SCAPER: variants seen among roughly 807,000 people sequenced by gnomAD.
The protein encoded by SCAPER is S phase cyclin A-associated protein in the endoplasmic reticulum.
SCAPER carries 98 observed loss-of-function variants against 182.2 expected under a neutral mutation model. The observed-to-expected ratio is 0.54, with a 90% confidence interval of 0.46 to 0.64. The LOEUF is 0.64. SCAPER is among the 30% of genes least tolerant of loss of function. The pLI, the probability that SCAPER is intolerant of heterozygous loss-of-function variation, is 0.00. For missense variants in SCAPER, 1,432 were observed against 1,690.0 expected (o/e 0.85, Z 2.68); for synonymous variants, 605 against 564.6 (o/e 1.07, Z -1.01).
intron 22 of SCAPER, among the ~76,000 whole-genome samples, chr15:76,586,080 A>T (rs1180437710): frequency 6.6e-6 from 1 of 152,232 alleles, no homozygotes; most frequent in Non-Finnish European, 1.5e-5. Flanking sequence ...AAACTGGAAC[A>T]AATTTCAGCA....
chr15:76,440,169 T>G (rs944926465), intron 25 of SCAPER, among the ~76,000 whole-genome samples: 1 of 152,220 alleles, frequency 6.6e-6, no homozygotes, highest in Admixed American at 6.5e-5. Context: ...GAAAAAGACT[T>G]CCTTGAGGAT....
chr15:76,749,180 C>CTCAGAAA (rs1425081119), intron 15 of SCAPER, among the ~76,000 whole-genome samples: 1 of 151,828 alleles, frequency 6.6e-6, no homozygotes, highest in Non-Finnish European at 1.5e-5. Context: ...TAAGGTTTAT[C>CTCAGAAA]TCAGAAATGC....
chr15:76,688,843 CTTTTTTTT>C (rs71143353), intron 20 of SCAPER, among the ~76,000 whole-genome samples: 1 of 92,394 alleles, frequency 1.1e-5, no homozygotes, highest in African/African-American at 3.9e-5. Flanking sequence ...AAATGCCTCT[CTTTTTTTT>C]TTTTTTTTTT....
At chr15:76,521,586 C>T (rs1175240532) in intron 23 of SCAPER, among the ~76,000 whole-genome samples, 1 of 152,034 alleles carries the variant, frequency 6.6e-6, no homozygotes. Context: ...AATTAAGTAT[C>T]ACAATAATAC....
At chr15:76,516,184 C>CT (rs750442048) in intron 23 of SCAPER, among the ~76,000 whole-genome samples, 1,850 of 143,046 alleles carry the variant, frequency 0.013, 30 homozygotes, top group African/African-American at 0.029. Flanking sequence ...TTCTTTCTTT[C>CT]TTTTTTTTTT....
chr15:76,416,837 T>C (rs2045683092), intron 26 of SCAPER, among the ~76,000 whole-genome samples: 1 of 152,222 alleles, frequency 6.6e-6, no homozygotes, highest in African/African-American at 2.4e-5. Context: ...CATTCCTAAG[T>C]AGTGAAATAC....
intron 24 of SCAPER, among the ~76,000 whole-genome samples, chr15:76,477,662 C>A (rs1211605738): frequency 2.6e-5 from 4 of 152,110 alleles, no homozygotes; most frequent in Non-Finnish European, 5.9e-5. Flanking sequence ...ATTAAATAAT[C>A]TCATTAAAGC....
chr15:76,452,631 C>T (rs1028345134), intron 25 of SCAPER, among the ~76,000 whole-genome samples: 2 of 152,114 alleles, frequency 1.3e-5, no homozygotes, highest in African/African-American at 2.4e-5. Flanking sequence ...AGTTGAACGC[C>T]GTATTTCAGC....
chr15:76,857,039 C>T (rs1248594503), intron 4 of SCAPER, among the ~76,000 whole-genome samples: 1 of 152,020 alleles, frequency 6.6e-6, no homozygotes, highest in Non-Finnish European at 1.5e-5. Context: ...CTTTACCATC[C>T]TACAACCTAA....
chr15:76,541,068 C>T (rs750323198), intron 23 of SCAPER, among the ~76,000 whole-genome samples: 5 of 151,320 alleles, frequency 3.3e-5, no homozygotes, highest in Non-Finnish European at 7.4e-5. Context: ...TGCAGTGAGC[C>T]GAGATCATGC....
chr15:76,625,169 A>G (rs1233127243), intron 21 of SCAPER, among the ~76,000 whole-genome samples: 1 of 152,128 alleles, frequency 6.6e-6, no homozygotes, highest in East Asian at 1.9e-4. Flanking sequence ...TGGATCTGTC[A>G]TCAGGCACTC....
intron 25 of SCAPER, among the ~76,000 whole-genome samples, chr15:76,467,494 G>A (rs961254036): frequency 2.0e-5 from 3 of 150,792 alleles, no homozygotes; most frequent in African/African-American, 2.4e-5. Context: ...AGACTGCAGT[G>A]CAGTGGCACA....
At chr15:76,635,007 G>A (rs1275656827) in intron 21 of SCAPER, among the ~76,000 whole-genome samples, 1 of 152,110 alleles carries the variant, frequency 6.6e-6, no homozygotes, top group Non-Finnish European at 1.5e-5. Context: ...GGTTGCTATG[G>A]TATGTTTCTG....
chr15:76,781,423 T>C (rs1173955307), intron 8 of SCAPER, among the ~76,000 whole-genome samples: 2 of 152,024 alleles, frequency 1.3e-5, no homozygotes, highest in Non-Finnish European at 2.9e-5. Context: ...CTGGTGTACG[T>C]GAAAGAGATG....
chr15:76,375,649 C>T (rs1165179485), intron 29 of SCAPER, among the ~76,000 whole-genome samples: 1 of 152,124 alleles, frequency 6.6e-6, no homozygotes, highest in Non-Finnish European at 1.5e-5. Flanking sequence ...TTTTATAGCT[C>T]TAAGAGGAGG....
chr15:76,864,549 G>C (rs2072123254), intron 2 of SCAPER, among the ~76,000 whole-genome samples: 1 of 151,948 alleles, frequency 6.6e-6, no homozygotes, highest in South Asian at 2.1e-4. Flanking sequence ...TACTCTTTTG[G>C]GGAATATGTG....
At chr15:76,567,709 G>T (rs1188025838) in intron 23 of SCAPER, among the ~76,000 whole-genome samples, 1 of 151,930 alleles carries the variant, frequency 6.6e-6, no homozygotes, top group African/African-American at 2.4e-5. Context: ...TTATCCTACT[G>T]GTTTAGTTTG....
At chr15:76,525,105 T>C (rs1478987708) in intron 23 of SCAPER, among the ~76,000 whole-genome samples, 4 of 152,118 alleles carry the variant, frequency 2.6e-5, no homozygotes, top group Admixed American at 2.0e-4. Flanking sequence ...TTTTATCTTT[T>C]TCTTTATGAC....
chr15:76,365,022 G>A (rs12101852), intron 29 of SCAPER, among the ~76,000 whole-genome samples: 231 of 152,146 alleles, frequency 1.5e-3, no homozygotes, highest in African/African-American at 5.3e-3. Flanking sequence ...CCCCAGCCCC[G>A]AGAATGTCAG....
Sources: allele counts gnomAD v4.1 joint callset (sites outside exome capture counted in the v4.1 genomes callset), GRCh38; gene constraint gnomAD v4.1.1; transcripts MANE v1.5; gene names NCBI Gene and HGNC (gene_info 2026-07-23, HGNC 2026-07-21).